The following CTPS2 variants were observed in gnomAD, a reference collection of about 807,000 sequenced individuals.
The protein encoded by CTPS2 is CTP synthase II.
CTPS2 carries 19 observed loss-of-function variants against 46.8 expected under a neutral mutation model. The ratio of observed to expected loss-of-function variants is 0.41; its 90% confidence interval spans 0.28 to 0.60. The LOEUF (loss-of-function observed/expected upper bound fraction) is 0.60. Among genes scored for constraint, CTPS2 ranks in the 20% least tolerant of loss-of-function variants. CTPS2 has a pLI of 0.35. For missense variants in CTPS2, 286 were observed against 447.6 expected, an observed-to-expected ratio of 0.64 and a Z score of 3.26; for synonymous variants, 151 against 165.2, an observed-to-expected ratio of 0.91 and a Z score of 0.66.
intron 17 of CTPS2, among the ~76,000 whole-genome samples, chrX:16,604,153 A>G (rs116791631): frequency 8.9e-6 from 1 of 111,955 alleles, no homozygotes; most frequent in South Asian, 3.8e-4. Flanking sequence ...GTTTTGCCAC[A>G]AAAAGATGAT....
chrX:16,653,415 T>C (rs1932745509), intron 13 of CTPS2, among the ~76,000 whole-genome samples: 1 of 112,249 alleles, frequency 8.9e-6, no homozygotes. Flanking sequence ...ATTCTCCAGC[T>C]TGAACAACAC....
At chrX:16,612,730 A>C (rs1223704093) in intron 16 of CTPS2, among the ~76,000 whole-genome samples, 1 of 112,130 alleles carries the variant, frequency 8.9e-6, no homozygotes, top group African/African-American at 3.2e-5. Flanking sequence ...ACGTGAAAAC[A>C]AGAGAAACAA....
chrX:16,693,272 G>T, intron 5 of CTPS2, 48 bp from the exon 6 acceptor site: 2 of 1,085,490 alleles, frequency 1.8e-6, no homozygotes, highest in Non-Finnish European at 2.6e-6. Flanking sequence ...TAGCTCCTAT[G>T]GATGATTAAT....
intron 14 of CTPS2, among the ~76,000 whole-genome samples, chrX:16,633,471 T>C (rs775155500): frequency 8.9e-6 from 1 of 111,990 alleles, no homozygotes; most frequent in South Asian, 3.7e-4. Flanking sequence ...GAAAATGATA[T>C]GGAATCAACT....
At position 16,594,938 on chromosome X, in the gene CTPS2, G is replaced by A. The variant is rs1479127466; in HGVS notation, c.1692-4076C>T. ...AAAAAACAACTGCTAGAAATAAAATGTGGGTCATCTGAATGCAGACCAACA... is the reference window on the plus strand; with the variant it reads ...AAAAAACAACTGCTAGAAATAAAATATGGGTCATCTGAATGCAGACCAACA... On this transcript the variant is annotated intron_variant, in intron 17 of 18. Coordinates refer to ENST00000359276, the MANE Select transcript of CTPS2 (RefSeq NM_175859.3). Among the ~76,000 whole-genome samples, 3 of 112,960 alleles carry A rather than the reference G, an allele frequency of 2.7e-5. No homozygotes were observed. The Admixed American group carries it at 2.8e-4, about 11-fold the overall frequency.
chrX:16,592,535 C>T (rs1488376359), intron 17 of CTPS2, among the ~76,000 whole-genome samples: 1 of 111,608 alleles, frequency 9.0e-6, no homozygotes. Flanking sequence ...ATCACAGCAC[C>T]TCCTCATTAC....
chrX:16,653,168 G>A (rs1158565253), intron 13 of CTPS2, among the ~76,000 whole-genome samples: 2 of 110,321 alleles, frequency 1.8e-5, no homozygotes, highest in African/African-American at 3.3e-5. Flanking sequence ...TATTTCAATC[G>A]GTTTTCTAAG....
chrX:16,648,012 G>C (rs1324163921), intron 13 of CTPS2, among the ~76,000 whole-genome samples: 2 of 111,412 alleles, frequency 1.8e-5, no homozygotes, highest in African/African-American at 6.5e-5. Flanking sequence ...TGAGGTAGGA[G>C]GATCACCTGA....
In CTPS2 at chrX:16,588,958, A is replaced by T. The variant is rs1391791677; in HGVS notation, c.*859T>A. On this transcript the variant is annotated 3_prime_UTR_variant, in exon 19 of 19. Transcript: ENST00000359276. ...GCCAACATGACGCTAGAAGTGGAAA[A>T]TTCCATAACTGATCTCATGCCAGAA... 1 of 112,423 alleles carries T rather than the reference A, an allele frequency of 8.9e-6. No individual in the cohort carries two copies. Among genetic ancestry groups the T allele is most frequent in the African/African-American group, 3.2e-5 (1 of 30,959 alleles). 9.3% of individuals were successfully genotyped at this position (112,423 alleles called of 1,213,427 possible). A position where few individuals can be genotyped will look rare whatever the true frequency, so the allele number is the denominator to read the frequency against.
chrX:16,643,579 T>C (rs1463709207), intron 13 of CTPS2, among the ~76,000 whole-genome samples: 1 of 111,825 alleles, frequency 8.9e-6, no homozygotes, highest in African/African-American at 3.2e-5. Flanking sequence ...CAAGCCTGAT[T>C]CTGATTTTGA....
chrX:16,602,918 T>C (rs1256707994), intron 17 of CTPS2, among the ~76,000 whole-genome samples: 1 of 111,857 alleles, frequency 8.9e-6, no homozygotes, highest in African/African-American at 3.3e-5. Context: ...CTTTTTGATG[T>C]TCAAATTGTC....
chrX:16,703,016 G>C, intron 1 of CTPS2, 75 bp from the exon 2 acceptor site: 44 of 524,591 alleles, frequency 8.4e-5, no homozygotes, highest in Non-Finnish European at 1.2e-4. Flanking sequence ...TATTCAACCA[G>C]AATTAATTTT....
At chrX:16,699,732 C>A (rs1236645247) in intron 2 of CTPS2, among the ~76,000 whole-genome samples, 1 of 112,166 alleles carries the variant, frequency 8.9e-6, no homozygotes. Context: ...AAGAATTGAA[C>A]CTTTCCCCTA....
intron 15 of CTPS2, among the ~76,000 whole-genome samples, chrX:16,617,469 G>A (rs1451818127): frequency 8.9e-6 from 1 of 111,886 alleles, no homozygotes; most frequent in Non-Finnish European, 1.9e-5. Flanking sequence ...ACCCAAAGGT[G>A]AGATTCAAAA....
intron 13 of CTPS2, among the ~76,000 whole-genome samples, chrX:16,642,690 G>A (rs1396024316): frequency 8.9e-6 from 1 of 112,157 alleles, no homozygotes; most frequent in African/African-American, 3.2e-5. Context: ...TGGGTTATAA[G>A]CAACCTGATT....
chrX:16,624,185 C>T (rs62589068), intron 14 of CTPS2, among the ~76,000 whole-genome samples: 21,166 of 110,648 alleles, frequency 0.19, 1,617 homozygotes, highest in Middle Eastern at 0.29. Flanking sequence ...ATACGATATA[C>T]AATGAAACAT....
intron 13 of CTPS2, among the ~76,000 whole-genome samples, chrX:16,663,412 G>A (rs1474621948): frequency 1.8e-5 from 2 of 112,038 alleles, no homozygotes; most frequent in Admixed American, 9.6e-5. Context: ...CTCCAAAAGT[G>A]CAGGGATTAC....
At chrX:16,631,977 C>T (rs1190335505) in intron 14 of CTPS2, among the ~76,000 whole-genome samples, 1 of 112,058 alleles carries the variant, frequency 8.9e-6, no homozygotes, top group African/African-American at 3.2e-5. Context: ...CCATCTTTAG[C>T]CACTCCTCAT....
intron 13 of CTPS2, among the ~76,000 whole-genome samples, chrX:16,646,141 C>G (rs5980308): frequency 0.52 from 57,838 of 111,707 alleles, 11,418 homozygotes; most frequent in African/African-American, 0.74. Context: ...AGATGTAAAC[C>G]TAACACTTAA....
Sources: gnomAD v4.1 joint callset for allele counts (sites outside exome capture counted in the v4.1 genomes callset) on GRCh38, gnomAD v4.1.1 for gene constraint, MANE v1.5 for transcripts, NCBI Gene and HGNC (gene_info 2026-07-23, HGNC 2026-07-21) for gene names.